KNDC1: variants seen among roughly 807,000 people sequenced by gnomAD.
The protein encoded by KNDC1 is kinase non-catalytic C-lobe domain-containing protein 1.
A neutral mutation model predicts 172.8 loss-of-function variants in KNDC1; 106 were observed. The ratio of observed to expected loss-of-function variants is 0.61; its 90% CI spans 0.52 to 0.72. The LOEUF is 0.72. Among genes scored for constraint, KNDC1 ranks in the 30% least tolerant of loss-of-function variants. KNDC1 has a pLI of 0.00. For synonymous variants in KNDC1, 1,083 were observed against 1,062.2 expected (o/e 1.02, Z -0.38); for missense variants, 2,325 against 2,394.5 (o/e 0.97, Z 0.61).
intron 17 of KNDC1, among the ~76,000 whole-genome samples, chr10:133,205,829 G>A (rs549282934): frequency 6.6e-6 from 1 of 152,074 alleles, no homozygotes; most frequent in Non-Finnish European, 1.5e-5. Context: ...AGCGAATCGG[G>A]CCACCGCACT....
chr10:133,212,634 A>AC (rs1237186065), intron 23 of KNDC1, 82 bp from the exon 24 acceptor site: 2 of 1,242,632 alleles, frequency 1.6e-6, no homozygotes, highest in East Asian at 2.4e-5. Context: ...CCTGGTCCTC[A>AC]CCCCCCAACC....
Position 133,220,123 on chromosome 10 carries a change from G to C in KNDC1, c.5018+11G>C. ...GTGGAGCAAGCTCAGGTGAGGAGGG[G>C]CTCAGGCGGCCGCGCGCCCAGGAGA... On this transcript the variant is annotated intron_variant, in intron 29 of 29. Transcript: ENST00000304613. 1 of 1,517,754 alleles carries C rather than the reference G, an allele frequency of 6.6e-7. No homozygotes were observed. Among genetic ancestry groups the C allele is most frequent in the Non-Finnish European group, 8.9e-7 (1 of 1,121,796 alleles). 94.0% of individuals were successfully genotyped at this position (1,517,754 alleles called of 1,614,324 possible).
intron 11 of KNDC1, 76 bp downstream of exon 11, chr10:133,197,211 C>CGGGAGCGGCCAGGCA: frequency 1.7e-6 from 2 of 1,182,956 alleles, no homozygotes; most frequent in Non-Finnish European, 2.5e-6. Context: ...TTGCCCTTGC[C>CGGGAGCGGCCAGGCA]TGGCCGCTCC....
chr10:133,160,257 G>C lies in KNDC1; in HGVS notation c.-211G>C, dbSNP rs546604442. Among the ~76,000 whole-genome samples the C allele has an allele frequency of 1.4e-3, 203 of 147,282 alleles. No individual in the cohort carries two copies. The highest frequency in any genetic ancestry group is 4.7e-3 in the African/African-American group (192 of 40,604). ...GTTCCCTAGGCGCCGGGTCCGGACA[G>C]CGCCGCGCAGCCCCCGCGCACCCCG... is the stretch of plus-strand genomic sequence containing the variant. On this transcript the variant is annotated 5_prime_UTR_variant, in exon 1 of 30. Transcript: ENST00000304613.
At chr10:133,213,452 G>T (rs943984277) in intron 24 of KNDC1, among the ~76,000 whole-genome samples, 193 bp from the exon 25 acceptor site, 1 of 152,242 alleles carries the variant, frequency 6.6e-6, no homozygotes, top group Admixed American at 6.5e-5. Context: ...GGCTGCCCCG[G>T]ACACCATGAG....
intron 3 of KNDC1, among the ~76,000 whole-genome samples, chr10:133,176,479 C>T (rs373527769): frequency 2.0e-5 from 3 of 152,146 alleles, no homozygotes; most frequent in Non-Finnish European, 4.4e-5. Flanking sequence ...TGGTCTCCTG[C>T]CCTCTGTGTG....
At position 133,222,003 on chromosome 10, in the gene KNDC1, C is replaced by A. The variant is rs74321816; in HGVS notation, c.5018+1891C>A. On this transcript the variant is annotated intron_variant, in intron 29 of 29. Coordinates refer to ENST00000304613, the MANE Select transcript of KNDC1 (RefSeq NM_152643.8). ...CTCACGCCTGTAACCCTAGGTGGGC[C>A]GGGCGCGGTGGCTCACGCCAGTAAC... Among the ~76,000 whole-genome samples the A allele has an allele frequency of 2.7e-4, 33 of 120,118 alleles. 6 individuals carry two copies. The highest frequency in any genetic ancestry group is 3.8e-4 in the Non-Finnish European group (20 of 52,766). The allele number at this position is 120,118 out of a possible 152,430, so 78.8% of individuals were successfully genotyped here.
At chr10:133,204,521 C>T (rs1564894526) in intron 17 of KNDC1, among the ~76,000 whole-genome samples, 1 of 152,112 alleles carries the variant, frequency 6.6e-6, no homozygotes, top group African/African-American at 2.4e-5. Flanking sequence ...GCCCACACTG[C>T]CGTAGCGGGG....
Position 133,184,329 on chromosome 10 carries a change from C to T in KNDC1, c.625+340C>T, listed in dbSNP as rs560813939. Among the ~76,000 whole-genome samples, 29 of 140,462 alleles carry T rather than the reference C, an allele frequency of 2.1e-4. No homozygotes were observed. In the South Asian group the frequency reaches 7.5e-3, roughly 36 times the overall value. 92.1% of individuals were successfully genotyped at this position (140,462 alleles called of 152,430 possible). A position where few individuals can be genotyped will look rare whatever the true frequency, so the allele number is the denominator to read the frequency against. ...ACACTGCACAACCCATGCACACACA[C>T]CTATGCACATGTGCTGCACACACGC... On this transcript the variant is annotated intron_variant, in intron 5 of 29. Transcript: ENST00000304613.
intron 1 of KNDC1, among the ~76,000 whole-genome samples, chr10:133,161,416 C>G (rs1852965058): frequency 6.6e-6 from 1 of 152,198 alleles, no homozygotes; most frequent in African/African-American, 2.4e-5. Flanking sequence ...GGCGCCCTCT[C>G]TTTAAAGCCG....
intron 10 of KNDC1, 104 bp downstream of exon 10, chr10:133,195,925 G>A (rs1854178973): frequency 8.6e-7 from 1 of 1,159,992 alleles, no homozygotes; most frequent in Non-Finnish European, 1.2e-6. Context: ...CCAGTGTCCA[G>A]GTGATGAGGC....
At chr10:133,215,042 A>T (rs55927172) in intron 26 of KNDC1, among the ~76,000 whole-genome samples, 3 of 152,146 alleles carry the variant, frequency 2.0e-5, no homozygotes, top group African/African-American at 7.2e-5. Flanking sequence ...ACCTGAGCTC[A>T]GCTGGCGCTT....
In KNDC1 at chr10:133,219,961, C is replaced by A; in HGVS notation, c.4867C>A (p.Leu1623Met). The change falls in exon 29 of 30, where the codon CTG (leucine) becomes ATG (methionine). Residue 1623 changes from leucine (L) to methionine (M), a missense_variant. Coordinates refer to ENST00000304613, the MANE Select transcript of KNDC1 (RefSeq NM_152643.8). ...MEELKAVEVF[L>M]KSDSLCLMEG... ...GCCCCGGCTGGACCACCAGGTCTTC[C>A]TGAAGAGCGACAGCCTGTGTCTGAT... is the stretch of plus-strand genomic sequence containing the variant. 1 of 1,550,646 alleles carries A rather than the reference C, an allele frequency of 6.4e-7. No homozygotes were observed. The highest frequency in any genetic ancestry group is 8.7e-7 in the Non-Finnish European group (1 of 1,146,634).
chr10:133,187,082 T>G (rs2135980505), intron 6 of KNDC1, among the ~76,000 whole-genome samples: 1 of 152,366 alleles, frequency 6.6e-6, no homozygotes, highest in African/African-American at 2.4e-5. Flanking sequence ...CATCTTCCTA[T>G]TCTGACGGTT....
chr10:133,213,951 G>A (rs374547171), intron 25 of KNDC1, 21 bp from the exon 26 acceptor site: 20 of 1,613,818 alleles, frequency 1.2e-5, no homozygotes, highest in Non-Finnish European at 1.6e-5. Context: ...GGGGGTGACA[G>A]GGACCATATT....
intron 3 of KNDC1, among the ~76,000 whole-genome samples, chr10:133,175,401 ATGGGTGAGTGGG>A (rs1853504763): frequency 2.0e-5 from 1 of 50,390 alleles, no homozygotes. Context: ...GGGTGGATGA[ATGGGTGAGTGGG>A]TGGATGGGTA....
At position 133,213,636 on chromosome 10, in the gene KNDC1, T is replaced by C. The variant is rs1300972530; in HGVS notation, c.4444-9T>C. ...AAGCCTGAACCTCTTGTTTCCATGT[T>C]CTGGGCAGGAGTTGTTTCAAAAGTG... On this transcript the variant is annotated splice_polypyrimidine_tract_variant and intron_variant, in intron 24 of 29. Coordinates refer to ENST00000304613, the MANE Select transcript of KNDC1 (RefSeq NM_152643.8). 2 of 1,613,590 alleles carry C rather than the reference T, an allele frequency of 1.2e-6. No homozygotes were observed. Among genetic ancestry groups the C allele is most frequent in the Non-Finnish European group, 1.7e-6 (2 of 1,179,524 alleles).
intron 9 of KNDC1, 35 bp downstream of exon 9, chr10:133,189,848 C>T: frequency 1.3e-6 from 2 of 1,549,800 alleles, no homozygotes; most frequent in East Asian, 4.5e-5. Flanking sequence ...CCCAGCCCTG[C>T]CCCCAGCCCT....
At chr10:133,203,603 C>T (rs987102694) in intron 17 of KNDC1, among the ~76,000 whole-genome samples, 4 of 152,290 alleles carry the variant, frequency 2.6e-5, no homozygotes, top group Admixed American at 6.5e-5. Flanking sequence ...GTGCTGGGCT[C>T]AGCACTGCGG....
Sources: allele counts gnomAD v4.1 joint callset (sites outside exome capture counted in the v4.1 genomes callset), GRCh38; gene constraint gnomAD v4.1.1; transcripts MANE v1.5; gene names NCBI Gene and HGNC (gene_info 2026-07-23, HGNC 2026-07-21).